Variants in SLIT3 observed in about 807,000 individuals in gnomAD.
SLIT3 encodes the protein slit guidance ligand 3.
Under a neutral mutation model 184.0 loss-of-function variants are expected in SLIT3, and 68 were observed. The ratio of observed to expected loss-of-function variants is 0.37; its 90% CI spans 0.30 to 0.45. The LOEUF (loss-of-function observed/expected upper bound fraction) is 0.45. Among genes scored for constraint, SLIT3 ranks in the 20% least tolerant of loss-of-function variants. The pLI, the probability that SLIT3 is intolerant of heterozygous loss-of-function variation, is 1.00. For missense variants in SLIT3, 1,707 were observed against 2,026.0 expected (o/e 0.84, Z 3.02); for synonymous variants, 831 against 828.6 (o/e 1.00, Z -0.05).
At chr5:169,079,667 G>A (rs1376458670) in intron 4 of SLIT3, among the ~76,000 whole-genome samples, 1 of 97,500 alleles carries the variant, frequency 1.0e-5, no homozygotes, top group African/African-American at 4.2e-5. Context: ...GGAGGAGGAG[G>A]GAAGAGGAGG....
chr5:169,114,356 T>C (rs1422901258), intron 4 of SLIT3, among the ~76,000 whole-genome samples: 1 of 152,190 alleles, frequency 6.6e-6, no homozygotes, highest in Admixed American at 6.5e-5. Flanking sequence ...ATGATGAAGC[T>C]AGAAGATGTG....
At chr5:168,843,085 A>G (rs971975550) in intron 6 of SLIT3, among the ~76,000 whole-genome samples, 1 of 152,106 alleles carries the variant, frequency 6.6e-6, no homozygotes, top group Non-Finnish European at 1.5e-5. Flanking sequence ...GAGACAATCT[A>G]TCTCAGAAAT....
At chr5:168,711,337 G>C (rs1155191) in intron 24 of SLIT3, among the ~76,000 whole-genome samples, 45,408 of 151,848 alleles carry the variant, frequency 0.3, 7,192 homozygotes, top group East Asian at 0.45. Context: ...CCCCATCCTA[G>C]CTCCTTTAGG....
At chr5:168,668,245 G>GGAGGCTGTGGAGC (rs745721163) in intron 35 of SLIT3, among the ~76,000 whole-genome samples, 11 of 152,162 alleles carry the variant, frequency 7.2e-5, no homozygotes, top group Non-Finnish European at 1.3e-4. Flanking sequence ...AGGGTTGGAT[G>GGAGGCTGTGGAGC]GAGGCTGTGG....
chr5:169,293,657 A>G lies in SLIT3; in HGVS notation c.197+6856T>C, dbSNP rs368559628. On this transcript the variant is annotated intron_variant, in intron 1 of 35. Coordinates refer to ENST00000519560, the MANE Select transcript of SLIT3 (RefSeq NM_003062.4). Reference sequence around the variant, plus strand: ...GAAAACTGAGGCCCATCCAGCTAGTAGGTGACAGAACCGGGCTTTGGGCCC... The same window carrying G: ...GAAAACTGAGGCCCATCCAGCTAGTGGGTGACAGAACCGGGCTTTGGGCCC... 5.0e-3 allele frequency among the ~76,000 whole-genome samples: 755 copies of G among 152,326 alleles called. 19 individuals carry two copies. In the South Asian group the frequency reaches 0.069, roughly 14 times the overall value.
At chr5:168,755,389 A>ATTTCTTTCTTTCTTTTCTTTC (rs1754860430) in intron 16 of SLIT3, among the ~76,000 whole-genome samples, 1 of 133,640 alleles carries the variant, frequency 7.5e-6, no homozygotes, top group Admixed American at 7.9e-5. Flanking sequence ...CAGTGCCGCC[A>ATTTCTTTCTTTCTTTTCTTTC]TTTCTTTCTT....
chr5:168,932,979 T>G (rs558884241), intron 4 of SLIT3, among the ~76,000 whole-genome samples: 1 of 152,290 alleles, frequency 6.6e-6, no homozygotes, highest in Admixed American at 6.5e-5. Flanking sequence ...GCTTTCCACA[T>G]GAATAATACT....
At chr5:168,997,080 C>T (rs1347688404) in intron 4 of SLIT3, among the ~76,000 whole-genome samples, 1 of 152,166 alleles carries the variant, frequency 6.6e-6, no homozygotes, top group Non-Finnish European at 1.5e-5. Context: ...ATCAATAATC[C>T]TGTCTCCTGT....
Position 168,816,911 on chromosome 5 carries a change from A to C in SLIT3, c.793+389T>G, listed in dbSNP as rs149111799. On this transcript the variant is annotated intron_variant, in intron 8 of 35. Coordinates refer to ENST00000519560, the MANE Select transcript of SLIT3 (RefSeq NM_003062.4). ...AGCCAAGCAGCTGACTCCAGAGCCT[A>C]CATTATCTTGTCTTCCAATTTCTAT... Among the ~76,000 whole-genome samples the C allele has an allele frequency of 3.4e-4, 52 of 152,328 alleles. No individual in the cohort carries two copies. The East Asian group carries it at 9.6e-3, about 28-fold the overall frequency.
intron 3 of SLIT3, among the ~76,000 whole-genome samples, chr5:169,212,281 G>C (rs1314696089): frequency 6.6e-6 from 1 of 152,148 alleles, no homozygotes; most frequent in Non-Finnish European, 1.5e-5. Flanking sequence ...TCCAGCACCT[G>C]TTGTTTCCTG....
At chr5:168,756,909 A>C (rs1754966028) in intron 16 of SLIT3, among the ~76,000 whole-genome samples, 1 of 152,212 alleles carries the variant, frequency 6.6e-6, no homozygotes, top group Non-Finnish European at 1.5e-5. Context: ...TTAACATCAC[A>C]TTACTGTAAG....
At chr5:168,904,287 T>G (rs1760970744) in intron 4 of SLIT3, among the ~76,000 whole-genome samples, 1 of 152,116 alleles carries the variant, frequency 6.6e-6, no homozygotes, top group Non-Finnish European at 1.5e-5. Flanking sequence ...ACTTTTCTGC[T>G]AAGTTTGCTT....
intron 4 of SLIT3, among the ~76,000 whole-genome samples, chr5:168,928,805 T>C (rs1761905895): frequency 6.6e-6 from 1 of 152,174 alleles, no homozygotes; most frequent in Non-Finnish European, 1.5e-5. Context: ...CCCATTTTCA[T>C]GATATTTCTG....
At chr5:169,129,957 TCCTG>T (rs1554100683) in intron 4 of SLIT3, among the ~76,000 whole-genome samples, 1 of 152,134 alleles carries the variant, frequency 6.6e-6, no homozygotes, top group Non-Finnish European at 1.5e-5. Context: ...CGAGCGATTC[TCCTG>T]CCTCAGCCAC....
At chr5:168,789,775 A>G (rs1756292259) in intron 10 of SLIT3, 144 bp from the exon 11 acceptor site, 1 of 649,108 alleles carries the variant, frequency 1.5e-6, no homozygotes. Flanking sequence ...ATAGTGCAAG[A>G]GAAGGAGCTT....
chr5:169,087,944 C>T (rs1759376714), intron 4 of SLIT3, among the ~76,000 whole-genome samples: 1 of 152,188 alleles, frequency 6.6e-6, no homozygotes, highest in Admixed American at 6.5e-5. Context: ...AACTTGGCAT[C>T]CCCCTACTTT....
chr5:168,797,542 C>G (rs564089597), intron 9 of SLIT3, among the ~76,000 whole-genome samples: 1 of 152,342 alleles, frequency 6.6e-6, no homozygotes, highest in African/African-American at 2.4e-5. Context: ...ATCAATTACC[C>G]TCCATCTTAA....
intron 4 of SLIT3, among the ~76,000 whole-genome samples, chr5:168,952,434 A>G (rs1470868148): frequency 6.6e-6 from 1 of 151,564 alleles, no homozygotes; most frequent in Non-Finnish European, 1.5e-5. Context: ...TACTTCCCCC[A>G]AGTGGCTGCA....
intron 20 of SLIT3, among the ~76,000 whole-genome samples, chr5:168,726,908 G>A (rs1763149408): frequency 1.3e-5 from 2 of 152,010 alleles, no homozygotes; most frequent in South Asian, 4.2e-4. Context: ...CTACTCAGGC[G>A]GCTGAGGCAG....
Sources: allele counts gnomAD v4.1 joint callset (sites outside exome capture counted in the v4.1 genomes callset), GRCh38; gene constraint gnomAD v4.1.1; transcripts MANE v1.5; gene names NCBI Gene and HGNC (gene_info 2026-07-23, HGNC 2026-07-21).